The following SDCCAG8 variants were observed in gnomAD, a reference collection of about 807,000 sequenced individuals.
SDCCAG8 encodes serologically defined colon cancer antigen 8.
In SDCCAG8, 74 loss-of-function variants were observed where a neutral mutation model predicts 101.8. That is an observed-to-expected ratio of 0.73 (90% CI 0.60 to 0.88). The LOEUF is 0.88. Ranked by LOEUF, SDCCAG8 falls within the 40% of genes least tolerant of loss-of-function variation. The pLI is 0.00. For synonymous variants in SDCCAG8, 281 were observed against 292.9 expected (o/e 0.96, Z 0.41); for missense variants, 787 against 822.6 (o/e 0.96, Z 0.53).
At chr1:243,415,375 G>A (rs1353789031) in intron 13 of SDCCAG8, among the ~76,000 whole-genome samples, 1 of 152,146 alleles carries the variant, frequency 6.6e-6, no homozygotes, top group African/African-American at 2.4e-5. Flanking sequence ...CCACTCAGAA[G>A]ATGAAACATT....
intron 8 of SDCCAG8, among the ~76,000 whole-genome samples, chr1:243,314,379 T>C (rs2073048371): frequency 6.6e-6 from 1 of 152,258 alleles, no homozygotes; most frequent in South Asian, 2.1e-4. Context: ...GTTAATATTC[T>C]GAAACACTTT....
chr1:243,348,391 C>A (rs1212977409), intron 12 of SDCCAG8, among the ~76,000 whole-genome samples: 1 of 151,822 alleles, frequency 6.6e-6, no homozygotes, highest in Non-Finnish European at 1.5e-5. Flanking sequence ...TCTAAGATGG[C>A]AGGGATGGGC....
At chr1:243,307,937 G>A in intron 7 of SDCCAG8, 52 bp from the exon 8 acceptor site, 6 of 1,607,238 alleles carry the variant, frequency 3.7e-6, no homozygotes, top group Non-Finnish European at 5.1e-6. Context: ...TCATTTTAAA[G>A]TCATGTAATT....
intron 16 of SDCCAG8, among the ~76,000 whole-genome samples, chr1:243,433,798 T>C (rs2081958039): frequency 6.6e-6 from 1 of 152,204 alleles, no homozygotes; most frequent in Admixed American, 6.5e-5. Flanking sequence ...ACCCCGAGTA[T>C]AGGTGTTTTT....
intron 16 of SDCCAG8, among the ~76,000 whole-genome samples, chr1:243,451,588 CACATTGT>C (rs2083359100): frequency 6.6e-6 from 1 of 152,082 alleles, no homozygotes; most frequent in African/African-American, 2.4e-5. Context: ...TGAGTAAGCA[CACATTGT>C]ACACACATGC....
intron 1 of SDCCAG8, among the ~76,000 whole-genome samples, chr1:243,266,776 C>CAAAAAAAG (rs2067623820): frequency 9.0e-6 from 1 of 110,962 alleles, no homozygotes; most frequent in Non-Finnish European, 1.8e-5. Flanking sequence ...ATTATAAATA[C>CAAAAAAAG]AAAAAAAAAA....
intron 13 of SDCCAG8, among the ~76,000 whole-genome samples, chr1:243,394,632 C>T (rs1052309329): frequency 2.0e-5 from 3 of 152,162 alleles, no homozygotes; most frequent in Admixed American, 6.6e-5. Flanking sequence ...AACAGAACTG[C>T]AAGTCTCATT....
At chr1:243,377,526 TAA>T (rs575532258) in intron 12 of SDCCAG8, among the ~76,000 whole-genome samples, 210 of 152,152 alleles carry the variant, frequency 1.4e-3, no homozygotes, top group Non-Finnish European at 2.3e-3. Context: ...AGAACTGTAC[TAA>T]GTTATTATAT....
intron 12 of SDCCAG8, among the ~76,000 whole-genome samples, chr1:243,373,147 CAA>C (rs1241397972): frequency 1.3e-5 from 2 of 151,442 alleles, no homozygotes. Context: ...GGATCTTGGC[CAA>C]AAAAATGTTT....
At chr1:243,293,248 C>A (rs190278956) in intron 6 of SDCCAG8, 29 bp downstream of exon 6, 2 of 1,607,838 alleles carry the variant, frequency 1.2e-6, no homozygotes, top group East Asian at 2.2e-5. Context: ...TTCTCTTATA[C>A]ATCTTTTTTT....
At chr1:243,286,216 A>C in intron 4 of SDCCAG8, 56 bp from the exon 5 acceptor site, 5 of 1,565,668 alleles carry the variant, frequency 3.2e-6, no homozygotes, top group Non-Finnish European at 4.4e-6. Context: ...TCTAATAATC[A>C]ACAAATAAAA....
At chr1:243,267,011 G>A (rs1021924719) in intron 1 of SDCCAG8, among the ~76,000 whole-genome samples, 2 of 151,238 alleles carry the variant, frequency 1.3e-5, no homozygotes, top group East Asian at 1.9e-4. Context: ...TTGGGAGGCC[G>A]AGGCAGGCGG....
intron 16 of SDCCAG8, among the ~76,000 whole-genome samples, chr1:243,446,122 G>T (rs2082884990): frequency 6.6e-6 from 1 of 152,216 alleles, no homozygotes; most frequent in African/African-American, 2.4e-5. Context: ...AGGGTTAGTT[G>T]TTGGGTGATC....
At chr1:243,299,335 C>A (rs1017042310) in intron 6 of SDCCAG8, among the ~76,000 whole-genome samples, 2 of 152,074 alleles carry the variant, frequency 1.3e-5, no homozygotes, top group South Asian at 4.1e-4. Context: ...CTATTTGTAT[C>A]TTTTTTGAAG....
In SDCCAG8 at chr1:243,256,258, T is replaced by A; in HGVS notation, c.67+18T>A. ...TCTCCGGGGTGAGTTGCTCCAAACCTCTGTCCCTAGCCCCGAGGTGCCCAG... is the reference window on the plus strand; with the variant it reads ...TCTCCGGGGTGAGTTGCTCCAAACCACTGTCCCTAGCCCCGAGGTGCCCAG... On this transcript the variant is annotated intron_variant, in intron 1 of 17. Transcript: ENST00000366541. 3.1e-6 allele frequency: 5 copies of A among 1,612,190 alleles called. No individual in the cohort carries two copies. Among genetic ancestry groups the A allele is most frequent in the Non-Finnish European group, 4.2e-6 (5 of 1,178,290 alleles).
chr1:243,437,353 G>A (rs552656382), intron 16 of SDCCAG8, among the ~76,000 whole-genome samples: 6 of 152,044 alleles, frequency 3.9e-5, no homozygotes, highest in African/African-American at 9.6e-5. Flanking sequence ...TAGAAGCTTC[G>A]AATCCAGTGC....
chr1:243,374,567 A>G (rs749807621), intron 12 of SDCCAG8, among the ~76,000 whole-genome samples: 18 of 152,122 alleles, frequency 1.2e-4, no homozygotes, highest in Admixed American at 3.9e-4. Flanking sequence ...AATGAAAACT[A>G]ATTTCAAAAT....
intron 4 of SDCCAG8, among the ~76,000 whole-genome samples, chr1:243,279,296 C>T (rs1018978274): frequency 4.6e-5 from 7 of 152,132 alleles, no homozygotes; most frequent in African/African-American, 1.4e-4. Flanking sequence ...ACTGAGAGTA[C>T]AGATGCCTCT....
intron 17 of SDCCAG8, among the ~76,000 whole-genome samples, chr1:243,496,316 G>A (rs1667864909): frequency 6.6e-6 from 1 of 152,204 alleles, no homozygotes; most frequent in Admixed American, 6.5e-5. Flanking sequence ...CCCTGGCCCC[G>A]GTGCCCAGAA....
Sources: allele counts gnomAD v4.1 joint callset (sites outside exome capture counted in the v4.1 genomes callset), GRCh38; gene constraint gnomAD v4.1.1; transcripts MANE v1.5; gene names NCBI Gene and HGNC (gene_info 2026-07-23, HGNC 2026-07-21).